Variants in ZBTB20 observed in about 807,000 individuals in gnomAD.
ZBTB20 encodes zinc finger and BTB domain-containing protein 20.
A neutral mutation model predicts 56.9 loss-of-function variants in ZBTB20; 9 were observed. That is an observed-to-expected ratio of 0.16 (90% CI 0.10 to 0.28). The LOEUF is 0.28. Ranked by LOEUF, ZBTB20 falls within the 10% of genes least tolerant of loss-of-function variation. The pLI, the probability that ZBTB20 is intolerant of heterozygous loss-of-function variation, is 1.00. For synonymous variants in ZBTB20, 417 were observed against 420.7 expected (o/e 0.99, Z 0.11); for missense variants, 655 against 1,003.0 (o/e 0.65, Z 4.69).
chr3:114,660,945 A>G (rs889621528), intron 6 of ZBTB20, among the ~76,000 whole-genome samples: 4 of 152,108 alleles, frequency 2.6e-5, no homozygotes, highest in Non-Finnish European at 5.9e-5. Flanking sequence ...CTCTCTCCAA[A>G]AAGCCATTTA....
In ZBTB20 at chr3:114,669,910, G is replaced by C. The variant is rs577593242; in HGVS notation, c.-295+23618C>G. Among the ~76,000 whole-genome samples the C allele has an allele frequency of 2.0e-5, 3 of 151,944 alleles. No homozygotes were observed. The East Asian group carries it at 5.8e-4, about 29-fold the overall frequency. On this transcript the variant is annotated intron_variant, in intron 6 of 11. Transcript: ENST00000675478. ...AATTATTCTGCAAACATTTAACCTA[G>C]CACCTCTCAACTGTTAAAGAATGTC...
At chr3:115,085,805 T>G (rs2082964582) in intron 1 of ZBTB20, among the ~76,000 whole-genome samples, 2 of 151,934 alleles carry the variant, frequency 1.3e-5, no homozygotes, top group African/African-American at 4.8e-5. Flanking sequence ...TTTCACCACA[T>G]GAAATATGAT....
intron 1 of ZBTB20, among the ~76,000 whole-genome samples, chr3:115,131,056 C>A (rs948142581): frequency 1.3e-5 from 2 of 152,070 alleles, no homozygotes; most frequent in Non-Finnish European, 2.9e-5. Flanking sequence ...ACACCGTGCC[C>A]GGCCAATTAT....
At chr3:114,373,221 A>C (rs890459912) in intron 10 of ZBTB20, among the ~76,000 whole-genome samples, 1 of 152,200 alleles carries the variant, frequency 6.6e-6, no homozygotes, top group Non-Finnish European at 1.5e-5. Flanking sequence ...GCCCCCTCAG[A>C]ATACTTTCTT....
chr3:114,451,747 C>A (rs1193110477), intron 7 of ZBTB20, among the ~76,000 whole-genome samples: 1 of 152,148 alleles, frequency 6.6e-6, no homozygotes, highest in Non-Finnish European at 1.5e-5. Flanking sequence ...CAGGACACGT[C>A]GCCAAGAACT....
intron 1 of ZBTB20, among the ~76,000 whole-genome samples, chr3:115,122,012 C>A (rs1279626374): frequency 6.6e-6 from 1 of 152,014 alleles, no homozygotes; most frequent in Non-Finnish European, 1.5e-5. Flanking sequence ...TTACATATTT[C>A]TGGACCTCGA....
intron 6 of ZBTB20, among the ~76,000 whole-genome samples, chr3:114,655,061 T>C (rs2060321186): frequency 1.3e-5 from 2 of 152,142 alleles, no homozygotes; most frequent in South Asian, 4.1e-4. Flanking sequence ...GTAGACAGCA[T>C]ATGTTGACTC....
At chr3:114,937,410 TGTC>T (rs1288257413) in intron 3 of ZBTB20, among the ~76,000 whole-genome samples, 3 of 151,942 alleles carry the variant, frequency 2.0e-5, no homozygotes, top group Non-Finnish European at 4.4e-5. Flanking sequence ...GTGACATAAA[TGTC>T]TTCTTCTTCT....
chr3:114,698,125 C>G (rs939702296), intron 5 of ZBTB20, among the ~76,000 whole-genome samples: 3 of 152,018 alleles, frequency 2.0e-5, no homozygotes, highest in African/African-American at 7.2e-5. Flanking sequence ...CTTACCCAAT[C>G]AAAAATATTA....
intron 4 of ZBTB20, among the ~76,000 whole-genome samples, chr3:114,845,517 G>A (rs999082628): frequency 2.0e-5 from 3 of 151,086 alleles, no homozygotes; most frequent in Admixed American, 1.3e-4. Context: ...GCCTCACCTC[G>A]CCCGTGACTC....
intron 2 of ZBTB20, among the ~76,000 whole-genome samples, chr3:115,068,702 G>T (rs908500485): frequency 2.0e-5 from 3 of 151,984 alleles, no homozygotes; most frequent in African/African-American, 7.2e-5. Context: ...GTGACCAATA[G>T]TGATACTTAT....
intron 3 of ZBTB20, among the ~76,000 whole-genome samples, chr3:114,959,836 C>A (rs960049948): frequency 2.6e-5 from 4 of 151,830 alleles, no homozygotes; most frequent in African/African-American, 9.7e-5. Context: ...ATACAAAAGT[C>A]TTTCTTAATT....
intron 3 of ZBTB20, among the ~76,000 whole-genome samples, chr3:114,945,794 C>A (rs2076866092): frequency 6.9e-6 from 1 of 144,878 alleles, no homozygotes; most frequent in Non-Finnish European, 1.5e-5. Context: ...TTGCAGGACA[C>A]ATACCTTAAA....
chr3:114,855,590 G>T (rs949460554), intron 4 of ZBTB20, among the ~76,000 whole-genome samples: 2 of 152,182 alleles, frequency 1.3e-5, no homozygotes, highest in African/African-American at 4.8e-5. Context: ...GGGCCAGAGA[G>T]CAAGAAGGAG....
At chr3:114,537,095 T>C (rs1367631671) in intron 6 of ZBTB20, among the ~76,000 whole-genome samples, 2 of 152,070 alleles carry the variant, frequency 1.3e-5, no homozygotes, top group African/African-American at 4.8e-5. Flanking sequence ...ACTTCATGAC[T>C]AAAACACCAA....
chr3:114,937,465 A>G (rs1217643961), intron 3 of ZBTB20, among the ~76,000 whole-genome samples: 2 of 150,492 alleles, frequency 1.3e-5, no homozygotes, highest in African/African-American at 2.4e-5. Context: ...TCTGTTGCCC[A>G]TGCTGGAGTG....
chr3:115,035,962 A>T (rs1005812934), intron 2 of ZBTB20, among the ~76,000 whole-genome samples: 1 of 152,180 alleles, frequency 6.6e-6, no homozygotes, highest in Non-Finnish European at 1.5e-5. Context: ...AAATGAAATA[A>T]AGCCAAACAC....
intron 1 of ZBTB20, chr3:115,145,058 T>A (rs1437236589): frequency 6.6e-6 from 1 of 152,078 alleles, no homozygotes; most frequent in Non-Finnish European, 1.5e-5. Flanking sequence ...TCCATAAAAA[T>A]CAAAACCCCA....
chr3:115,110,451 G>C lies in ZBTB20; in HGVS notation c.-703+36768C>G, dbSNP rs1263710865. ...AAAAATGTATAAGGTCAGATCAAAAGTTTTTATAACATAATCTACATAAAA... is the reference window on the plus strand; with the variant it reads ...AAAAATGTATAAGGTCAGATCAAAACTTTTTATAACATAATCTACATAAAA... On this transcript the variant is annotated intron_variant, in intron 1 of 11. Transcript: ENST00000675478. Among the ~76,000 whole-genome samples, 4 of 152,096 alleles carry C rather than the reference G, an allele frequency of 2.6e-5. No homozygotes were observed. In the East Asian group the frequency reaches 7.7e-4, roughly 29 times the overall value.
Sources: gnomAD v4.1 joint callset for allele counts (sites outside exome capture counted in the v4.1 genomes callset) on GRCh38, gnomAD v4.1.1 for gene constraint, MANE v1.5 for transcripts, NCBI Gene and HGNC (gene_info 2026-07-23, HGNC 2026-07-21) for gene names.